Variants in TMEM40 observed in about 807,000 individuals in gnomAD.
The protein encoded by TMEM40 is transmembrane protein 40.
In TMEM40, 34 loss-of-function variants were observed where a neutral mutation model predicts 40.8. That is an observed-to-expected ratio of 0.83 (90% CI 0.63 to 1.11). The LOEUF (loss-of-function observed/expected upper bound fraction) is 1.11, where lower values mean the gene tolerates loss of function less well. Among genes scored for constraint, TMEM40 ranks in the 50% least tolerant of loss-of-function variants. The pLI is 0.00. For synonymous variants in TMEM40, 106 were observed against 107.0 expected (o/e 0.99, Z 0.06); for missense variants, 296 against 280.2 (o/e 1.06, Z -0.40).
intron 1 of TMEM40, among the ~76,000 whole-genome samples, chr3:12,751,289 T>C (rs1357787975): frequency 6.9e-6 from 1 of 144,052 alleles, no homozygotes; most frequent in South Asian, 2.2e-4. Context: ...GTTTTTTTTT[T>C]CTGTTTTTTG....
chr3:12,738,637 G>C (rs762088897), intron 5 of TMEM40, 49 bp from the exon 6 acceptor site: 4 of 1,593,344 alleles, frequency 2.5e-6, no homozygotes, highest in African/African-American at 1.3e-5. Context: ...CCTCTGGGGG[G>C]GGAGAAGTCA....
chr3:12,734,391 G>GTAT lies in TMEM40; in HGVS notation c.*382_*383insATA. ...GGATGGCTCGGTAGCACCTGAGAGCGCATGCAGATAGCCTGGGATTTGAGA... is the reference window on the plus strand; with the variant it reads ...GGATGGCTCGGTAGCACCTGAGAGCGTATCATGCAGATAGCCTGGGATTTGAGA... On this transcript the variant is annotated 3_prime_UTR_variant, in exon 12 of 12. Transcript: ENST00000314124. 9.9e-6 allele frequency: 2 copies of GTAT among 202,382 alleles called. No individual in the cohort carries two copies. The highest frequency in any genetic ancestry group is 1.5e-4 in the South Asian group (1 of 6,848). The allele number at this position is 202,382 out of a possible 1,614,324, so 12.5% of individuals were successfully genotyped here.
At chr3:12,757,240 C>A (rs561739380) in intron 1 of TMEM40, among the ~76,000 whole-genome samples, 1 of 152,030 alleles carries the variant, frequency 6.6e-6, no homozygotes, top group Non-Finnish European at 1.5e-5. Flanking sequence ...GAGGCTGAGG[C>A]GGGCGGATCA....
At chr3:12,744,123 G>A in intron 3 of TMEM40, 134 bp from the exon 4 acceptor site, 1 of 821,690 alleles carries the variant, frequency 1.2e-6, no homozygotes, top group Non-Finnish European at 1.9e-6. Context: ...CTGATTTGGG[G>A]ACTGGAGGTA....
intron 1 of TMEM40, among the ~76,000 whole-genome samples, chr3:12,756,778 CCTCT>C (rs10644374): frequency 1.3e-5 from 2 of 150,432 alleles, no homozygotes; most frequent in East Asian, 2.0e-4. Flanking sequence ...TACCCACCTC[CCTCT>C]CTCTCTCTCT....
chr3:12,761,323 G>A (rs2061567274), upstream of TMEM40, among the ~76,000 whole-genome samples: 2 of 152,200 alleles, frequency 1.3e-5, no homozygotes, highest in Admixed American at 6.5e-5. Flanking sequence ...TAAGAATTTT[G>A]CCTGGGAGCC....
upstream of TMEM40, among the ~76,000 whole-genome samples, chr3:12,762,293 G>T (rs9876483): frequency 0.55 from 83,587 of 152,066 alleles, 24,532 homozygotes; most frequent in African/African-American, 0.73. Flanking sequence ...TAAAATTAGT[G>T]TCACCTGCTT....
chr3:12,768,750 G>A (rs1047382600), intron 1 of TMEM40, among the ~76,000 whole-genome samples: 19 of 152,234 alleles, frequency 1.2e-4, no homozygotes, highest in African/African-American at 4.1e-4. Flanking sequence ...CCCGCACCGG[G>A]GGCCGCAGGT....
At chr3:12,744,969 C>T (rs924947205) in intron 3 of TMEM40, among the ~76,000 whole-genome samples, 2 of 152,048 alleles carry the variant, frequency 1.3e-5, no homozygotes, top group African/African-American at 2.4e-5. Flanking sequence ...CTATATTTTA[C>T]AAATATTCAT....
chr3:12,764,997 G>C (rs1275508244), intron 1 of TMEM40, among the ~76,000 whole-genome samples: 2 of 151,672 alleles, frequency 1.3e-5, no homozygotes, highest in Non-Finnish European at 2.9e-5. Context: ...TCAGCCTCCC[G>C]AGTAGCTGGG....
rs2061319436 is a variant in TMEM40, at chr3:12,734,003, C to G, written c.*771G>C. On this transcript the variant is annotated 3_prime_UTR_variant, in exon 12 of 12. Coordinates refer to ENST00000314124, the MANE Select transcript of TMEM40 (RefSeq NM_018306.4). ...CACTGCAGCCCTGAACTCCTGGGCT[C>G]AAGCAGTCCTCCTGCCTCAGCCTCT... The G allele has an allele frequency of 6.6e-6, 1 of 151,300 alleles. No individual in the cohort carries two copies. Among genetic ancestry groups the G allele is most frequent in the Non-Finnish European group, 1.5e-5 (1 of 68,026 alleles). 9.4% of individuals were successfully genotyped at this position (151,300 alleles called of 1,614,324 possible). A position where few individuals can be genotyped will look rare whatever the true frequency, so the allele number is the denominator to read the frequency against.
intron 1 of TMEM40, among the ~76,000 whole-genome samples, chr3:12,758,787 C>T (rs896711874): frequency 1.3e-5 from 2 of 152,190 alleles, no homozygotes; most frequent in African/African-American, 4.8e-5. Flanking sequence ...GAACACCCCT[C>T]CCCTCCTAAG....
chr3:12,758,630 G>C (rs1407801428), intron 1 of TMEM40, among the ~76,000 whole-genome samples: 1 of 152,184 alleles, frequency 6.6e-6, no homozygotes, highest in East Asian at 1.9e-4. Flanking sequence ...GGGTGCCTTT[G>C]AGCTGGAGGC....
chr3:12,768,927 G>T (rs2061608136), intron 1 of TMEM40, among the ~76,000 whole-genome samples: 2 of 94,448 alleles, frequency 2.1e-5, no homozygotes, highest in Non-Finnish European at 4.0e-5. Flanking sequence ...CCGGGGCCGG[G>T]GCGGGGCGGG....
At chr3:12,756,385 G>A (rs2061527474) in intron 1 of TMEM40, among the ~76,000 whole-genome samples, 1 of 152,086 alleles carries the variant, frequency 6.6e-6, no homozygotes, top group Non-Finnish European at 1.5e-5. Flanking sequence ...AGAAGATTGT[G>A]CAATCAAAAA....
chr3:12,757,695 G>T (rs1418452173), intron 1 of TMEM40, among the ~76,000 whole-genome samples: 6 of 152,176 alleles, frequency 3.9e-5, no homozygotes, highest in Admixed American at 2.6e-4. Context: ...TCCTCAAAAG[G>T]TTAAAAAAGA....
chr3:12,769,344 G>A (rs971035673), exon 1 of TMEM40: 4 of 277,098 alleles, frequency 1.4e-5, no homozygotes, highest in Non-Finnish European at 2.4e-5. Context: ...CCTCAAGTGC[G>A]GCCAGAGTGG....
chr3:12,768,898 G>A lies in TMEM40; in HGVS notation c.-9+353C>T, dbSNP rs866019291. Among the ~76,000 whole-genome samples, 500 of 130,104 alleles carry A rather than the reference G, an allele frequency of 3.8e-3. 8 individuals are homozygous for A. Among genetic ancestry groups the A allele is most frequent in the African/African-American group, 0.013 (403 of 30,192 alleles). 85.4% of individuals were successfully genotyped at this position (130,104 alleles called of 152,430 possible). A position where few individuals can be genotyped will look rare whatever the true frequency, so the allele number is the denominator to read the frequency against. On this transcript the variant is annotated intron_variant, in intron 1 of 11. Transcript: ENST00000264728. ...GCAGGAGCCCATGGCGGGGCGGGGC[G>A]GGGCAGGGCGGGCCGGGGCCGGGGC...
In TMEM40 at chr3:12,734,396, C is replaced by G; in HGVS notation, c.*378G>C. 1 of 213,470 alleles carries G rather than the reference C, an allele frequency of 4.7e-6. No homozygotes were observed. Among genetic ancestry groups the G allele is most frequent in the Non-Finnish European group, 9.4e-6 (1 of 106,724 alleles). The allele number at this position is 213,470 out of a possible 1,614,324, so 13.2% of individuals were successfully genotyped here. ...GCTCGGTAGCACCTGAGAGCGCATG[C>G]AGATAGCCTGGGATTTGAGAAAAAC... On this transcript the variant is annotated 3_prime_UTR_variant, in exon 12 of 12. Coordinates refer to ENST00000314124, the MANE Select transcript of TMEM40 (RefSeq NM_018306.4).
Sources: allele counts gnomAD v4.1 joint callset (sites outside exome capture counted in the v4.1 genomes callset), GRCh38; gene constraint gnomAD v4.1.1; transcripts MANE v1.5; gene names NCBI Gene and HGNC (gene_info 2026-07-23, HGNC 2026-07-21).